The following CTIF variants were observed in gnomAD, a reference collection of about 807,000 sequenced individuals.
The protein encoded by CTIF is cap binding complex dependent translation initiation factor.
Under a neutral mutation model 66.0 loss-of-function variants are expected in CTIF, and 21 were observed. The ratio of observed to expected loss-of-function variants is 0.32; its 90% confidence interval spans 0.23 to 0.46. The LOEUF (loss-of-function observed/expected upper bound fraction) is 0.46, where lower values mean the gene tolerates loss of function less well. CTIF is among the 20% of genes least tolerant of loss of function. The probability of loss-of-function intolerance (pLI) is 1.00; values close to 1 mark genes in which losing one functional copy is unlikely to be tolerated. For missense variants in CTIF, 739 were observed against 812.7 expected, an observed-to-expected ratio of 0.91 and a Z score of 1.10; for synonymous variants, 345 against 326.4, an observed-to-expected ratio of 1.06 and a Z score of -0.62.
chr18:48,693,800 T>C (rs1189792639), intron 6 of CTIF, among the ~76,000 whole-genome samples: 1 of 152,226 alleles, frequency 6.6e-6, no homozygotes, highest in Non-Finnish European at 1.5e-5. Context: ...CAGCCACACT[T>C]CTGTAGCTGT....
At chr18:48,565,407 T>G (rs908717795) in intron 1 of CTIF, 3 of 152,222 alleles carry the variant, frequency 2.0e-5, no homozygotes, top group African/African-American at 7.2e-5. Context: ...TTCATGAGTT[T>G]TCCAAGTGCT....
intron 9 of CTIF, among the ~76,000 whole-genome samples, chr18:48,775,153 G>A (rs182465875): frequency 1.1e-4 from 16 of 152,226 alleles, no homozygotes; most frequent in Admixed American, 9.8e-4. Context: ...CATGCAACTG[G>A]TTGACTCTGG....
chr18:48,661,568 A>G (rs1308765715), intron 3 of CTIF, among the ~76,000 whole-genome samples: 2 of 152,148 alleles, frequency 1.3e-5, no homozygotes, highest in East Asian at 3.9e-4. Context: ...CTGGAGTTTC[A>G]GAGTTGCACT....
Position 48,835,749 on chromosome 18 carries a change from G to A in CTIF, c.1527+18373G>A, listed in dbSNP as rs116842475. On this transcript the variant is annotated intron_variant, in intron 10 of 11. Coordinates refer to ENST00000256413, the MANE Select transcript of CTIF (RefSeq NM_014772.3). ...TAAAGCAGTGATGGGACTATGTGAGGATCAAGTAGGACATGTCAGGCCAGG... is the reference window on the plus strand; with the variant it reads ...TAAAGCAGTGATGGGACTATGTGAGAATCAAGTAGGACATGTCAGGCCAGG... Among the ~76,000 whole-genome samples the A allele has an allele frequency of 4.3e-3, 657 of 152,276 alleles. 5 individuals carry two copies. Among genetic ancestry groups the A allele is most frequent in the Non-Finnish European group, 6.5e-3 (444 of 68,010 alleles).
At chr18:48,544,673 G>A (rs2088703307) in intron 1 of CTIF, among the ~76,000 whole-genome samples, 1 of 152,226 alleles carries the variant, frequency 6.6e-6, no homozygotes, top group Non-Finnish European at 1.5e-5. Flanking sequence ...GTAGGCCTGG[G>A]TAATGGTGGA....
intron 7 of CTIF, among the ~76,000 whole-genome samples, chr18:48,722,206 CTTTTTTT>C (rs34736291): frequency 2.1e-4 from 17 of 81,064 alleles, no homozygotes; most frequent in East Asian, 3.4e-4. Context: ...TGGCCCTGTG[CTTTTTTT>C]TTTTTTTTTT....
chr18:48,708,484 G>T (rs1364392393), intron 6 of CTIF, among the ~76,000 whole-genome samples: 1 of 152,192 alleles, frequency 6.6e-6, no homozygotes, highest in Non-Finnish European at 1.5e-5. Context: ...GCAGGAGGAG[G>T]TTCCCGGTGC....
In CTIF at chr18:48,585,907, C is replaced by A. The variant is rs528345245; in HGVS notation, c.-28-33631C>A. Among the ~76,000 whole-genome samples the A allele has an allele frequency of 5.3e-5, 8 of 152,284 alleles. No homozygotes were observed. In the South Asian group the frequency reaches 1.2e-3, roughly 24 times the overall value. On this transcript the variant is annotated intron_variant, in intron 1 of 11. Coordinates refer to ENST00000256413, the MANE Select transcript of CTIF (RefSeq NM_014772.3). ...TCTTTTCTGATGCTTTGTTTTCCTG[C>A]CTCAATTTCATAAATCTTTATAGTT...
At chr18:48,740,646 G>T (rs759714843) in intron 7 of CTIF, among the ~76,000 whole-genome samples, 1 of 152,152 alleles carries the variant, frequency 6.6e-6, no homozygotes, top group Non-Finnish European at 1.5e-5. Flanking sequence ...GATGTCCTGG[G>T]CTACTCAGGC....
chr18:48,859,475 C>T lies in CTIF; in HGVS notation c.1713C>T (p.Ile571=), dbSNP rs754275019. Residue 571 remains isoleucine, a synonymous_variant, in exon 12 of 12, where the codon ATC becomes ATT. Transcript: ENST00000256413. ...CCCGGTCGCTGCTCCTAGAGGTCAT[C>T]GAGCTCCACGCTAACAGCTGGAACC... ...MLTRSLLLEV[I]ELHANSWNPL... 16 of 1,614,072 alleles carry T rather than the reference C, an allele frequency of 9.9e-6. No homozygotes were observed. The highest frequency in any genetic ancestry group is 4.5e-5 in the East Asian group (2 of 44,888).
intron 9 of CTIF, among the ~76,000 whole-genome samples, chr18:48,799,125 C>T (rs1223764329): frequency 1.3e-5 from 2 of 152,210 alleles, no homozygotes; most frequent in Non-Finnish European, 2.9e-5. Context: ...TCTTACTGAG[C>T]TCTGCAAGGC....
chr18:48,675,067 T>A (rs956693087), intron 6 of CTIF, among the ~76,000 whole-genome samples: 2 of 17,860 alleles, frequency 1.1e-4, no homozygotes, highest in African/African-American at 2.2e-4. Context: ...GTGGAGTGGG[T>A]GGGAGATGGG....
At chr18:48,765,958 C>CTTT (rs58491346) in intron 9 of CTIF, among the ~76,000 whole-genome samples, 2 of 145,466 alleles carry the variant, frequency 1.4e-5, no homozygotes, top group African/African-American at 2.6e-5. Flanking sequence ...ATCATTTTTT[C>CTTT]TTTTTTTTAT....
chr18:48,592,502 A>C (rs1382177743), intron 1 of CTIF, among the ~76,000 whole-genome samples: 5 of 151,034 alleles, frequency 3.3e-5, no homozygotes, highest in African/African-American at 1.2e-4. Context: ...TGTCTCAAAA[A>C]AAAAAAAAAA....
At chr18:48,640,468 T>G (rs900333325) in intron 3 of CTIF, among the ~76,000 whole-genome samples, 1 of 152,194 alleles carries the variant, frequency 6.6e-6, no homozygotes, top group Admixed American at 6.5e-5. Context: ...GCCCTTTTCC[T>G]CCTGCCACAC....
intron 1 of CTIF, among the ~76,000 whole-genome samples, chr18:48,580,940 G>A (rs936998548): frequency 1.3e-5 from 2 of 152,238 alleles, no homozygotes; most frequent in Non-Finnish European, 1.5e-5. Flanking sequence ...AGGCATCGCG[G>A]CCCCACCCAG....
At chr18:48,576,621 C>G (rs1180764130) in intron 1 of CTIF, among the ~76,000 whole-genome samples, 1 of 152,184 alleles carries the variant, frequency 6.6e-6, no homozygotes, top group Admixed American at 6.5e-5. Context: ...CGGGGCGTAA[C>G]CGTTTAATTG....
chr18:48,646,901 CAAAAAAAA>C (rs35904615), intron 3 of CTIF, among the ~76,000 whole-genome samples: 11 of 77,970 alleles, frequency 1.4e-4, no homozygotes, highest in Admixed American at 1.8e-4. Context: ...TTGGCAGTTT[CAAAAAAAA>C]AAAAAAAAAA....
intron 1 of CTIF, chr18:48,539,866 C>G (rs1380682337): frequency 6.6e-6 from 1 of 152,498 alleles, no homozygotes; most frequent in Non-Finnish European, 1.5e-5. Flanking sequence ...GTTTGGGGGC[C>G]GGGGGCTGCG....
Sources: gnomAD v4.1 joint callset for allele counts (sites outside exome capture counted in the v4.1 genomes callset) on GRCh38, gnomAD v4.1.1 for gene constraint, MANE v1.5 for transcripts, NCBI Gene and HGNC (gene_info 2026-07-23, HGNC 2026-07-21) for gene names.